Variants in DMD observed in about 807,000 individuals in gnomAD.
The protein encoded by DMD is dystrophin.
A neutral mutation model predicts 330.1 loss-of-function variants in DMD; 63 were observed. The observed-to-expected ratio is 0.19, with a 90% CI of 0.16 to 0.24. DMD has a LOEUF of 0.24. Among genes scored for constraint, DMD ranks in the 10% least tolerant of loss-of-function variants. DMD has a pLI of 1.00. For missense variants in DMD, 3,344 were observed against 2,684.1 expected, an observed-to-expected ratio of 1.25 and a Z score of -5.43; for synonymous variants, 1,223 against 959.8, an observed-to-expected ratio of 1.27 and a Z score of -5.07.
At chrX:33,059,720 C>T (rs1012696697) in intron 1 of DMD, among the ~76,000 whole-genome samples, 2 of 111,450 alleles carry the variant, frequency 1.8e-5, no homozygotes, top group Non-Finnish European at 3.8e-5. Context: ...AATGAATTTC[C>T]TACAAATACT....
intron 32 of DMD, among the ~76,000 whole-genome samples, chrX:32,388,700 G>A (rs985619602): frequency 9.1e-6 from 1 of 110,118 alleles, no homozygotes; most frequent in Admixed American, 9.8e-5. Context: ...GTACTAAATA[G>A]ACTTGTTTTC....
In DMD at chrX:32,365,829, T is replaced by C. The variant is rs774350843; in HGVS notation, c.4846-630A>G. On this transcript the variant is annotated intron_variant, in intron 34 of 78. Transcript: ENST00000357033. ...TCAGGTCTTTAGGATAATTTCAATG[T>C]AGTGATGACGAGCATAACTGGTATT... Among the ~76,000 whole-genome samples, 4 of 112,145 alleles carry C rather than the reference T, an allele frequency of 3.6e-5. No individual in the cohort carries two copies. In the South Asian group the frequency reaches 1.5e-3, roughly 41 times the overall value.
chrX:32,373,495 G>A (rs1340919323), intron 34 of DMD, among the ~76,000 whole-genome samples: 1 of 111,402 alleles, frequency 9.0e-6, no homozygotes, highest in Non-Finnish European at 1.9e-5. Flanking sequence ...CACAAAAGCA[G>A]CCAGAAAAAA....
intron 16 of DMD, among the ~76,000 whole-genome samples, chrX:32,554,523 T>A: frequency 9.1e-6 from 1 of 109,816 alleles, no homozygotes; most frequent in Non-Finnish European, 1.9e-5. Context: ...CTAGAGGAAA[T>A]GGATAAATTA....
chrX:32,590,327 G>C (rs1371602392), intron 13 of DMD, among the ~76,000 whole-genome samples: 1 of 112,051 alleles, frequency 8.9e-6, no homozygotes, highest in Non-Finnish European at 1.9e-5. Context: ...GTGTTTTCCA[G>C]GTTTTCCTTC....
At chrX:32,199,335 T>C (rs1302868424) in intron 44 of DMD, among the ~76,000 whole-genome samples, 3 of 111,458 alleles carry the variant, frequency 2.7e-5, no homozygotes, top group Non-Finnish European at 5.7e-5. Flanking sequence ...CCCTCCACAT[T>C]TGCTTCAGCA....
chrX:32,816,614 CATG>C lies in DMD; in HGVS notation c.381_383del (p.Ile127del), dbSNP rs756184176. ...CACTGTTGGTTTGTTGCAATCCAGC[CATG>C]ATATTTTTCATTACATTTTTGACCT... is the stretch of plus-strand genomic sequence containing the variant. On this transcript the variant is annotated inframe_deletion, in exon 6 of 79. Coordinates refer to ENST00000357033, the MANE Select transcript of DMD (RefSeq NM_004006.3). 6 of 1,209,640 alleles carry C rather than the reference CATG, an allele frequency of 5.0e-6. No individual in the cohort carries two copies. The highest frequency in any genetic ancestry group is 3.5e-5 in the South Asian group (2 of 56,832).
intron 60 of DMD, among the ~76,000 whole-genome samples, chrX:31,381,490 C>A (rs150199007): frequency 0.012 from 1,341 of 111,648 alleles, 25 homozygotes; most frequent in African/African-American, 0.041. Flanking sequence ...TTTCTGCTCC[C>A]CGGCTCCTTC....
chrX:31,263,006 A>G (rs2050675461), intron 62 of DMD, among the ~76,000 whole-genome samples: 1 of 112,810 alleles, frequency 8.9e-6, no homozygotes, highest in Admixed American at 9.3e-5. Context: ...TATAAGCACC[A>G]GGGAGAAAGG....
intron 44 of DMD, among the ~76,000 whole-genome samples, chrX:32,198,729 T>C: frequency 8.9e-6 from 1 of 112,335 alleles, no homozygotes; most frequent in Non-Finnish European, 1.9e-5. Flanking sequence ...ATGAAAATTA[T>C]GTTTCTTCAT....
intron 44 of DMD, among the ~76,000 whole-genome samples, chrX:32,126,370 A>T (rs745621153): frequency 4.5e-5 from 5 of 112,078 alleles, no homozygotes; most frequent in Non-Finnish European, 9.4e-5. Flanking sequence ...ATCGGTATCC[A>T]CTTAATAGAT....
rs749581438 is a variant in DMD, at chrX:31,394,802, T to A, written c.9085-46168A>T. ...GAGCGAGACTCTGTCTCAAAAAAAA[T>A]TTTTTAAAGTTGATATTCCATTTAT... On this transcript the variant is annotated intron_variant, in intron 60 of 78. Coordinates refer to ENST00000357033, the MANE Select transcript of DMD (RefSeq NM_004006.3). Among the ~76,000 whole-genome samples the A allele has an allele frequency of 5.9e-4, 66 of 111,320 alleles. 1 individual carries two copies. The highest frequency in any genetic ancestry group is 2.1e-3 in the African/African-American group (63 of 30,638).
At chrX:32,759,966 G>C (rs2072050233) in intron 7 of DMD, among the ~76,000 whole-genome samples, 1 of 111,125 alleles carries the variant, frequency 9.0e-6, no homozygotes, top group African/African-American at 3.3e-5. Context: ...AAATAAGATA[G>C]AGGATAAAAA....
intron 2 of DMD, among the ~76,000 whole-genome samples, chrX:32,850,837 A>G (rs1234372150): frequency 1.8e-5 from 2 of 112,005 alleles, no homozygotes; most frequent in Non-Finnish European, 3.8e-5. Context: ...TCAAAGACAT[A>G]TTGAGCATGA....
Position 32,972,906 on chromosome X carries a change from A to G in DMD, c.93+47233T>C, listed in dbSNP as rs1230588460. On this transcript the variant is annotated intron_variant, in intron 2 of 78. Coordinates refer to ENST00000357033, the MANE Select transcript of DMD (RefSeq NM_004006.3). ...ATTATTATATTTATTATCTATGCCTATTTTATATACCATACATGCCTGTAA... is the reference window on the plus strand; with the variant it reads ...ATTATTATATTTATTATCTATGCCTGTTTTATATACCATACATGCCTGTAA... Among the ~76,000 whole-genome samples, 4 of 111,985 alleles carry G rather than the reference A, an allele frequency of 3.6e-5. No homozygotes were observed. The East Asian group carries it at 1.1e-3, about 31-fold the overall frequency.
At chrX:32,484,775 G>C (rs1370573196) in intron 21 of DMD, 144 bp downstream of exon 21, 3 of 599,175 alleles carry the variant, frequency 5.0e-6, no homozygotes, top group East Asian at 3.6e-5. Context: ...TGTTACACCA[G>C]TATTTCGTTC....
intron 9 of DMD, among the ~76,000 whole-genome samples, chrX:32,656,808 A>G (rs1244637600): frequency 8.9e-6 from 1 of 111,783 alleles, no homozygotes; most frequent in African/African-American, 3.2e-5. Context: ...GGTAATTTTA[A>G]TTTCTTATTT....
chrX:32,147,707 A>T (rs1267020251), intron 44 of DMD, among the ~76,000 whole-genome samples: 1 of 110,680 alleles, frequency 9.0e-6, no homozygotes. Flanking sequence ...GCAGCCAGAA[A>T]GTTACACACC....
At chrX:31,797,948 A>T (rs755020451) in intron 50 of DMD, among the ~76,000 whole-genome samples, 4 of 111,959 alleles carry the variant, frequency 3.6e-5, no homozygotes, top group Non-Finnish European at 7.5e-5. Flanking sequence ...TGATGTGGCA[A>T]CCTCCAAAAA....
Sources: gnomAD v4.1 joint callset for allele counts (sites outside exome capture counted in the v4.1 genomes callset) on GRCh38, gnomAD v4.1.1 for gene constraint, MANE v1.5 for transcripts, NCBI Gene and HGNC (gene_info 2026-07-23, HGNC 2026-07-21) for gene names.